NEK6: variants seen among roughly 807,000 people sequenced by gnomAD.
NEK6 encodes serine/threonine-protein kinase Nek6.
Under a neutral mutation model 43.5 loss-of-function variants are expected in NEK6, and 27 were observed. That is an observed-to-expected ratio of 0.62 (90% CI 0.46 to 0.86). The LOEUF is 0.86. Ranked by LOEUF, NEK6 falls within the 40% of genes least tolerant of loss-of-function variation. The pLI is 0.00. For synonymous variants in NEK6, 167 were observed against 164.1 expected (o/e 1.02, Z -0.14); for missense variants, 318 against 414.4 (o/e 0.77, Z 2.02).
chr9:124,259,766 G>A (rs1830954806), intron 1 of NEK6, among the ~76,000 whole-genome samples: 1 of 152,182 alleles, frequency 6.6e-6, no homozygotes, highest in South Asian at 2.1e-4. Context: ...TGGTCCCTGT[G>A]GTTTGTCAGC....
intron 4 of NEK6, among the ~76,000 whole-genome samples, chr9:124,316,230 G>A (rs990396913): frequency 6.6e-6 from 1 of 152,224 alleles, no homozygotes; most frequent in South Asian, 2.1e-4. Context: ...CTCAAGTGCG[G>A]GGGCTGGTGG....
At chr9:124,289,176 G>C (rs140948609) in intron 1 of NEK6, among the ~76,000 whole-genome samples, 2,261 of 33,704 alleles carry the variant, frequency 0.067, 37 homozygotes, top group Non-Finnish European at 0.069. Context: ...CACCCCCCCC[G>C]CCCCCCCCCG....
In NEK6 at chr9:124,285,858, C is replaced by T. The variant is rs970582579; in HGVS notation, c.-29-16078C>T. ...GCCTCAGTTTTCCCCTTCTGTAAAA[C>T]GGAGATAATAATTTACCTGTCTCAC... is the stretch of plus-strand genomic sequence containing the variant. On this transcript the variant is annotated intron_variant, in intron 1 of 9. Transcript: ENST00000320246. Among the ~76,000 whole-genome samples the T allele has an allele frequency of 7.2e-5, 11 of 152,270 alleles. No individual in the cohort carries two copies. The East Asian group carries it at 7.7e-4, about 11-fold the overall frequency.
intron 1 of NEK6, among the ~76,000 whole-genome samples, chr9:124,289,576 G>A (rs1832319021): frequency 6.6e-6 from 1 of 152,202 alleles, no homozygotes; most frequent in South Asian, 2.1e-4. Context: ...TACTATGCAT[G>A]AGGAAGGCAG....
chr9:124,319,482 GT>G (rs1266080203), intron 4 of NEK6, among the ~76,000 whole-genome samples: 3 of 152,104 alleles, frequency 2.0e-5, no homozygotes, highest in African/African-American at 7.2e-5. Flanking sequence ...TCAGTTTTTG[GT>G]TTTGTTGCAA....
intron 1 of NEK6, chr9:124,262,834 G>T: frequency 6.6e-6 from 1 of 152,362 alleles, no homozygotes. Flanking sequence ...GAAGGAATTT[G>T]GACAGGGGAA....
rs1588554950 is a variant in NEK6 at position 124,347,902 on chromosome 9, C to A, written c.831+80C>A. ...TGAGGGCCGCTCCAAAACACCACAG[C>A]TGTGGGGCTGAGGTTAGGCTCACTT... On this transcript the variant is annotated intron_variant, in intron 9 of 9. Transcript: ENST00000320246. 12 of 804,222 alleles carry A rather than the reference C, an allele frequency of 1.5e-5. No individual in the cohort carries two copies. In the East Asian group the frequency reaches 2.6e-4, roughly 17 times the overall value. The allele number at this position is 804,222 out of a possible 1,614,324, so 49.8% of individuals were successfully genotyped here. A position where few individuals can be genotyped will look rare whatever the true frequency, so the allele number is the denominator to read the frequency against.
In NEK6 at chr9:124,286,704, A is replaced by G. The variant is rs566087056; in HGVS notation, c.-29-15232A>G. 2.0e-5 allele frequency among the ~76,000 whole-genome samples: 3 copies of G among 152,262 alleles called. No homozygotes were observed. In the South Asian group the frequency reaches 6.2e-4, roughly 32 times the overall value. On this transcript the variant is annotated intron_variant, in intron 1 of 9. Transcript: ENST00000320246. Reference sequence around the variant, plus strand: ...GAGGCCCGGGGGCCAGTTGTGTCCCATCTGCAGGCCCCAGGGCATTAGACC... The same window carrying G: ...GAGGCCCGGGGGCCAGTTGTGTCCCGTCTGCAGGCCCCAGGGCATTAGACC...
At chr9:124,292,687 C>T (rs1319851300) in intron 1 of NEK6, 5 of 1,241,430 alleles carry the variant, frequency 4.0e-6, no homozygotes, top group Non-Finnish European at 5.5e-6. Flanking sequence ...CCAGTGGTCC[C>T]CCTGGCATGA....
At chr9:124,348,921 C>A (rs1032690329) in intron 9 of NEK6, among the ~76,000 whole-genome samples, 2 of 152,246 alleles carry the variant, frequency 1.3e-5, no homozygotes, top group Admixed American at 1.3e-4. Context: ...AGGATCTGAA[C>A]CCACATGCGC....
chr9:124,350,712 A>G (rs926923653), intron 9 of NEK6, 125 bp from the exon 10 acceptor site: 7 of 726,676 alleles, frequency 9.6e-6, no homozygotes, highest in Non-Finnish European at 1.7e-5. Context: ...CTTCAGCTCT[A>G]ACGGGGACAA....
At chr9:124,273,714 TGAG>T (rs1400179448) in intron 1 of NEK6, among the ~76,000 whole-genome samples, 3 of 152,158 alleles carry the variant, frequency 2.0e-5, no homozygotes, top group Admixed American at 6.5e-5. Context: ...AAGCGGGAGT[TGAG>T]GAGGCTAAAG....
intron 8 of NEK6, among the ~76,000 whole-genome samples, chr9:124,346,931 CA>C (rs1829960077): frequency 2.0e-5 from 3 of 152,236 alleles, no homozygotes; most frequent in African/African-American, 4.8e-5. Flanking sequence ...CTCCGTGTGC[CA>C]GCCCAAGCCT....
intron 2 of NEK6, among the ~76,000 whole-genome samples, chr9:124,306,400 A>G (rs1271855811): frequency 2.0e-5 from 3 of 152,166 alleles, no homozygotes. Context: ...GGAGTCTTCC[A>G]TGCGATGGGC....
At chr9:124,325,895 G>C (rs1834307633) in intron 5 of NEK6, among the ~76,000 whole-genome samples, 1 of 152,214 alleles carries the variant, frequency 6.6e-6, no homozygotes, top group African/African-American at 2.4e-5. Context: ...CGTGTGTCCT[G>C]GGTGCCACCC....
intron 1 of NEK6, among the ~76,000 whole-genome samples, chr9:124,279,324 C>T (rs1357595291): frequency 8.0e-5 from 11 of 137,306 alleles, no homozygotes; most frequent in African/African-American, 2.8e-4. Flanking sequence ...TTTTTTGAGA[C>T]GGAGTCTCAC....
rs946273570 is a variant in NEK6 at position 124,324,526 on chromosome 9, A to G, written c.406-1804A>G. The stretch of plus-strand genomic sequence containing the variant: ...TCAGACAGCGCTTATAGGACATGAC[A>G]TTTAGAAAATCACCACTCTCGGCCA... On this transcript the variant is annotated intron_variant, in intron 5 of 9. Transcript: ENST00000320246. This position sits in a 1 kb window ranked among gnomAD's most constrained non-coding sequence, Gnocchi z 5.3. Among the ~76,000 whole-genome samples, 1 of 152,208 alleles carries G rather than the reference A, an allele frequency of 6.6e-6. No individual in the cohort carries two copies. The highest frequency in any genetic ancestry group is 2.4e-5 in the African/African-American group (1 of 41,454).
intron 1 of NEK6, among the ~76,000 whole-genome samples, chr9:124,281,045 C>G (rs1196312316): frequency 6.6e-6 from 1 of 152,164 alleles, no homozygotes; most frequent in Non-Finnish European, 1.5e-5. Context: ...CCCACCTCAG[C>G]CTCACAAAGC....
At chr9:124,344,765 G>A (rs577518895) in intron 8 of NEK6, among the ~76,000 whole-genome samples, 2 of 152,304 alleles carry the variant, frequency 1.3e-5, no homozygotes, top group East Asian at 1.9e-4. Flanking sequence ...GGGCCTCCTC[G>A]CAGCAGCCTT....
Sources: allele counts gnomAD v4.1 joint callset (sites outside exome capture counted in the v4.1 genomes callset), GRCh38; gene constraint gnomAD v4.1.1; non-coding constraint Gnocchi (gnomAD v3.1); transcripts MANE v1.5; gene names NCBI Gene and HGNC (gene_info 2026-07-23, HGNC 2026-07-21).